TASP1: variants seen among roughly 807,000 people sequenced by gnomAD.
The protein encoded by TASP1 is taspase 1.
Under a neutral mutation model 56.6 loss-of-function variants are expected in TASP1, and 16 were observed. That is an observed-to-expected ratio of 0.28 (90% CI 0.19 to 0.43). The LOEUF is 0.43. TASP1 is among the 20% of genes least tolerant of loss of function. The pLI, the probability that TASP1 is intolerant of heterozygous loss-of-function variation, is 1.00. For missense variants in TASP1, 393 were observed against 511.6 expected (o/e 0.77, Z 2.24); for synonymous variants, 179 against 184.2 (o/e 0.97, Z 0.23).
At chr20:13,603,435 T>C (rs1430617619) in intron 4 of TASP1, among the ~76,000 whole-genome samples, 4 of 151,832 alleles carry the variant, frequency 2.6e-5, no homozygotes, top group Admixed American at 2.0e-4. Flanking sequence ...CCAGCTACCC[T>C]GGAGGCTGAG....
At chr20:13,485,419 C>A (rs559784928) in intron 10 of TASP1, among the ~76,000 whole-genome samples, 1 of 151,810 alleles carries the variant, frequency 6.6e-6, no homozygotes, top group Non-Finnish European at 1.5e-5. Context: ...TAGTTGTTCA[C>A]CTATTCAGTA....
chr20:13,316,969 T>C, the TASP1 span, among the ~76,000 whole-genome samples: 1 of 151,844 alleles, frequency 6.6e-6, no homozygotes, highest in Admixed American at 6.6e-5. Context: ...AAAAGCCATA[T>C]AGATTGAGAA....
At chr20:13,158,031 A>T in the TASP1 span, among the ~76,000 whole-genome samples, 3 of 152,232 alleles carry the variant, frequency 2.0e-5, no homozygotes, top group African/African-American at 7.2e-5. Context: ...GAGCTGTGCA[A>T]TGTGGTTTTA....
At chr20:13,561,127 G>A (rs2046330764) in intron 7 of TASP1, among the ~76,000 whole-genome samples, 1 of 152,100 alleles carries the variant, frequency 6.6e-6, no homozygotes, top group Non-Finnish European at 1.5e-5. Context: ...TCAAAAATGA[G>A]GGGCAAATTA....
At chr20:13,128,366 A>G in the TASP1 span, among the ~76,000 whole-genome samples, 3 of 151,594 alleles carry the variant, frequency 2.0e-5, no homozygotes, top group Non-Finnish European at 4.4e-5. Flanking sequence ...CAGTGGCTTA[A>G]CAGAACCAAG....
At chr20:13,628,474 C>T (rs537267030) in intron 2 of TASP1, among the ~76,000 whole-genome samples, 3 of 152,310 alleles carry the variant, frequency 2.0e-5, no homozygotes, top group East Asian at 1.9e-4. Context: ...AAATTTACCT[C>T]ACCTCCTTGT....
intron 11 of TASP1, among the ~76,000 whole-genome samples, chr20:13,447,591 T>G (rs1309475054): frequency 6.6e-6 from 1 of 152,118 alleles, no homozygotes; most frequent in Non-Finnish European, 1.5e-5. Context: ...GTGGAACAGC[T>G]ATCTTGTTCT....
the TASP1 span, among the ~76,000 whole-genome samples, chr20:13,288,303 G>C: frequency 6.6e-6 from 1 of 152,042 alleles, no homozygotes; most frequent in Admixed American, 6.6e-5. Context: ...GTGTTTTCTG[G>C]GCACCTTCTA....
the TASP1 span, among the ~76,000 whole-genome samples, chr20:13,265,656 A>T: frequency 2.0e-5 from 3 of 151,438 alleles, no homozygotes; most frequent in Non-Finnish European, 4.4e-5. Flanking sequence ...GTGAGGAAAA[A>T]CCTCTTGCAA....
chr20:13,565,903 A>C (rs1009462892), intron 7 of TASP1, among the ~76,000 whole-genome samples: 8 of 152,244 alleles, frequency 5.3e-5, no homozygotes, highest in Admixed American at 5.2e-4. Flanking sequence ...AGCCATGTTC[A>C]CAGTAGCATT....
At chr20:13,316,742 TA>T in the TASP1 span, among the ~76,000 whole-genome samples, 1,216 of 143,072 alleles carry the variant, frequency 8.5e-3, 17 homozygotes, top group African/African-American at 0.029. Context: ...CCATTCATTA[TA>T]AAAAAAAAAA....
intron 10 of TASP1, among the ~76,000 whole-genome samples, chr20:13,511,427 T>C (rs1372167370): frequency 1.3e-5 from 2 of 152,112 alleles, no homozygotes; most frequent in East Asian, 3.9e-4. Flanking sequence ...TATTTTCTTA[T>C]TATTGAAGCC....
chr20:13,423,437 G>A (rs890478005), intron 12 of TASP1, among the ~76,000 whole-genome samples: 3 of 151,988 alleles, frequency 2.0e-5, no homozygotes. Flanking sequence ...TAACAATTCT[G>A]CTTGTGATTT....
chr20:13,442,479 C>T (rs140961127), intron 11 of TASP1, among the ~76,000 whole-genome samples: 1 of 152,002 alleles, frequency 6.6e-6, no homozygotes. Context: ...CCTGTCTCTA[C>T]TAAAAATACA....
At chr20:13,637,889 C>T (rs778533908) in intron 1 of TASP1, among the ~76,000 whole-genome samples, 12 of 152,126 alleles carry the variant, frequency 7.9e-5, no homozygotes, top group Non-Finnish European at 1.3e-4. Flanking sequence ...TTTTATGGTG[C>T]ATGAATACCT....
intron 11 of TASP1, among the ~76,000 whole-genome samples, chr20:13,450,395 C>T (rs6109891): frequency 0.35 from 53,903 of 151,912 alleles, 10,353 homozygotes; most frequent in Non-Finnish European, 0.43. Flanking sequence ...GCATGCAATG[C>T]TGTTTAATCA....
At chr20:13,374,595 G>A in the TASP1 span, among the ~76,000 whole-genome samples, 12 of 152,202 alleles carry the variant, frequency 7.9e-5, no homozygotes, top group South Asian at 2.1e-4. Context: ...TGATCTGCCC[G>A]CCTCAGCCTC....
the TASP1 span, among the ~76,000 whole-genome samples, chr20:13,338,560 A>C: frequency 5.9e-5 from 9 of 152,326 alleles, no homozygotes; most frequent in East Asian, 1.7e-3. Context: ...GACATACAGT[A>C]TAATAAGTCC....
chr20:13,295,264 C>T, the TASP1 span, among the ~76,000 whole-genome samples: 2,280 of 152,314 alleles, frequency 0.015, 25 homozygotes, highest in Non-Finnish European at 0.024. Context: ...CCATCATTAT[C>T]GGCTCTGAAT....
Sources: gnomAD v4.1 joint callset for allele counts (sites outside exome capture counted in the v4.1 genomes callset) on GRCh38, gnomAD v4.1.1 for gene constraint, MANE v1.5 for transcripts, NCBI Gene and HGNC (gene_info 2026-07-23, HGNC 2026-07-21) for gene names.